The following NDST3 variants were observed in gnomAD, a reference collection of about 807,000 sequenced individuals.
NDST3 encodes the protein bifunctional heparan sulfate N-deacetylase/N-sulfotransferase 3.
Under a neutral mutation model 96.1 loss-of-function variants are expected in NDST3, and 58 were observed. The ratio of observed to expected loss-of-function variants is 0.60; its 90% confidence interval spans 0.49 to 0.75. The LOEUF (loss-of-function observed/expected upper bound fraction) is 0.75, where lower values mean the gene tolerates loss of function less well. Among genes scored for constraint, NDST3 ranks in the 30% least tolerant of loss-of-function variants. NDST3 has a pLI of 0.00. For missense variants in NDST3, 788 were observed against 1,034.2 expected (o/e 0.76, Z 3.27); for synonymous variants, 333 against 359.7 (o/e 0.93, Z 0.84).
intron 2 of NDST3, among the ~76,000 whole-genome samples, chr4:118,101,858 G>T (rs1729791679): frequency 1.3e-5 from 2 of 152,022 alleles, no homozygotes; most frequent in Admixed American, 1.3e-4. Context: ...AGGATAAAAT[G>T]GGTAAATAAA....
At chr4:118,047,139 C>G (rs962451722) in intron 1 of NDST3, among the ~76,000 whole-genome samples, 18 of 152,194 alleles carry the variant, frequency 1.2e-4, no homozygotes, top group Non-Finnish European at 2.2e-4. Flanking sequence ...CAAACTACCA[C>G]GCCAAAAATA....
chr4:118,148,894 C>T (rs1206019623), intron 6 of NDST3, among the ~76,000 whole-genome samples: 2 of 151,996 alleles, frequency 1.3e-5, no homozygotes, highest in African/African-American at 4.8e-5. Flanking sequence ...CCTGGTCTAA[C>T]GTTTAAGTCT....
In NDST3 at chr4:118,170,621, T is replaced by C. The variant is rs180995401; in HGVS notation, c.1539+26937T>C. ...GTGCACACCTGCAGTCCCAGCTACT[T>C]GGGAGGCTGAGGCAGAAGAATCGCT... is the stretch of plus-strand genomic sequence containing the variant. On this transcript the variant is annotated intron_variant, in intron 6 of 13. Coordinates refer to ENST00000296499, the MANE Select transcript of NDST3 (RefSeq NM_004784.3). Among the ~76,000 whole-genome samples the C allele has an allele frequency of 8.1e-3, 1,239 of 152,054 alleles. 7 individuals are homozygous for C. Among genetic ancestry groups the C allele is most frequent in the Non-Finnish European group, 0.014 (941 of 67,968 alleles).
At chr4:118,183,829 T>A (rs1450988270) in intron 6 of NDST3, among the ~76,000 whole-genome samples, 1 of 152,244 alleles carries the variant, frequency 6.6e-6, no homozygotes, top group South Asian at 2.1e-4. Context: ...TAAGCCTGCA[T>A]GACTGCAGAA....
intron 2 of NDST3, among the ~76,000 whole-genome samples, chr4:118,078,605 T>G (rs1216366179): frequency 1.3e-5 from 2 of 151,920 alleles, no homozygotes; most frequent in African/African-American, 4.8e-5. Flanking sequence ...AAAAATTAGT[T>G]GGGCGTGGTG....
chr4:118,206,243 T>C (rs7699653), intron 6 of NDST3, among the ~76,000 whole-genome samples: 116,563 of 143,302 alleles, frequency 0.81, 51,507 homozygotes, highest in South Asian at 0.94. Context: ...ATTTGAATTA[T>C]ATCTAAACCA....
intron 6 of NDST3, among the ~76,000 whole-genome samples, chr4:118,186,102 C>A (rs1159817627): frequency 6.6e-6 from 1 of 152,090 alleles, no homozygotes; most frequent in East Asian, 1.9e-4. Context: ...TTGGAATCTT[C>A]TGCTTACAGG....
chr4:118,186,295 A>G (rs956183069), intron 6 of NDST3, among the ~76,000 whole-genome samples: 1 of 152,156 alleles, frequency 6.6e-6, no homozygotes, highest in Non-Finnish European at 1.5e-5. Flanking sequence ...CTCCATTTTG[A>G]TTAACTTCTC....
chr4:118,184,602 T>TACACACACACACACACACACACACAC (rs562099266), intron 6 of NDST3, among the ~76,000 whole-genome samples: 1 of 138,490 alleles, frequency 7.2e-6, no homozygotes, highest in Non-Finnish European at 1.6e-5. Flanking sequence ...TCTCTCTCTC[T>TACACACACACACACACACACACACAC]ACACACACAC....
At chr4:118,231,136 G>C (rs1740259553) in intron 8 of NDST3, among the ~76,000 whole-genome samples, 1 of 151,960 alleles carries the variant, frequency 6.6e-6, no homozygotes, top group South Asian at 2.1e-4. Context: ...AGGAGTTCGA[G>C]ACCAGCCTGG....
intron 2 of NDST3, among the ~76,000 whole-genome samples, chr4:118,073,523 A>T (rs932807537): frequency 6.6e-6 from 1 of 152,020 alleles, no homozygotes; most frequent in African/African-American, 2.4e-5. Flanking sequence ...GGTGTTCATA[A>T]TAGCCTCTGA....
chr4:118,143,195 C>T (rs968089025), intron 5 of NDST3, among the ~76,000 whole-genome samples: 7 of 152,118 alleles, frequency 4.6e-5, no homozygotes, highest in African/African-American at 1.7e-4. Context: ...TACAGTATAG[C>T]ACAGACAATC....
At chr4:118,248,365 A>G (rs1488169003) in intron 12 of NDST3, among the ~76,000 whole-genome samples, 1 of 150,814 alleles carries the variant, frequency 6.6e-6, no homozygotes, top group Non-Finnish European at 1.5e-5. Context: ...AAAAGAAAAA[A>G]AAAAGTCACT....
intron 6 of NDST3, among the ~76,000 whole-genome samples, chr4:118,148,848 A>G (rs1734156863): frequency 6.6e-6 from 1 of 152,234 alleles, no homozygotes; most frequent in African/African-American, 2.4e-5. Context: ...TGAAAAATAA[A>G]TAAATGATAA....
chr4:118,223,555 G>C (rs2125993947), intron 6 of NDST3, among the ~76,000 whole-genome samples: 1 of 152,054 alleles, frequency 6.6e-6, no homozygotes, highest in East Asian at 1.9e-4. Flanking sequence ...TTGTTCCATA[G>C]GATATTACTA....
chr4:118,238,841 C>G (rs1466856308), intron 10 of NDST3, among the ~76,000 whole-genome samples: 1 of 152,174 alleles, frequency 6.6e-6, no homozygotes, highest in African/African-American at 2.4e-5. Context: ...CGCAGAGAAG[C>G]CCAAATACCA....
intron 4 of NDST3, among the ~76,000 whole-genome samples, chr4:118,124,509 A>G (rs950692240): frequency 2.0e-5 from 3 of 152,082 alleles, no homozygotes; most frequent in Admixed American, 2.0e-4. Context: ...GTGAATTTGC[A>G]TAACCTGCTA....
intron 10 of NDST3, among the ~76,000 whole-genome samples, chr4:118,238,511 A>G (rs775621063): frequency 2.6e-5 from 4 of 152,228 alleles, no homozygotes; most frequent in Non-Finnish European, 4.4e-5. Flanking sequence ...ACATAAGAAC[A>G]TAGTAAAATT....
At chr4:118,033,610 A>AGGCGGTGGCGAGGGC (rs1723992599), upstream of NDST3, 1 of 151,540 alleles carries the variant, frequency 6.6e-6, no homozygotes, top group African/African-American at 2.4e-5. Flanking sequence ...CCCGCCCGGG[A>AGGCGGTGGCGAGGGC]GGCGGTGGCG....
Sources: gnomAD v4.1 joint callset for allele counts (sites outside exome capture counted in the v4.1 genomes callset) on GRCh38, gnomAD v4.1.1 for gene constraint, MANE v1.5 for transcripts, NCBI Gene and HGNC (gene_info 2026-07-23, HGNC 2026-07-21) for gene names.